The following PLPP1 variants were observed in gnomAD, a reference collection of about 807,000 sequenced individuals.
PLPP1 encodes the protein phospholipid phosphatase 1.
PLPP1 carries 24 observed loss-of-function variants against 31.2 expected under a neutral mutation model. The observed-to-expected ratio is 0.77, with a 90% CI of 0.56 to 1.08. The LOEUF (loss-of-function observed/expected upper bound fraction) is 1.08, where lower values mean the gene tolerates loss of function less well. Among genes scored for constraint, PLPP1 ranks in the 50% least tolerant of loss-of-function variants. The probability of loss-of-function intolerance (pLI) is 0.00; values close to 1 mark genes in which losing one functional copy is unlikely to be tolerated. For missense variants in PLPP1, 319 were observed against 342.7 expected, an observed-to-expected ratio of 0.93 and a Z score of 0.55; for synonymous variants, 146 against 126.3, an observed-to-expected ratio of 1.16 and a Z score of -1.05.
intron 2 of PLPP1, among the ~76,000 whole-genome samples, chr5:55,472,079 A>G (rs549131513): frequency 3.3e-5 from 5 of 152,218 alleles, no homozygotes; most frequent in Non-Finnish European, 7.3e-5. Context: ...CTCTGATCAC[A>G]CCACTGCACT....
rs780529419 is a variant in PLPP1 at position 55,468,089 on chromosome 5, T to C, written c.271A>G (p.Arg91Gly). The C allele has an allele frequency of 1.2e-6, 2 of 1,613,256 alleles. No individual in the cohort carries two copies. The highest frequency in any genetic ancestry group is 1.7e-6 in the Non-Finnish European group (2 of 1,179,518). The change falls in exon 3 of 6, where the codon AGG becomes GGG. Residue 91 changes from arginine (R) to glycine (G), a missense_variant. Arg to Gly is a moderately radical substitution (Grantham distance 125, BLOSUM62 -2). Coordinates refer to ENST00000307259, the MANE Select transcript of PLPP1 (RefSeq NM_003711.4). ...TAAATAGTGGCTATGTAGTTATTCC[T>C]GATAAAGGAATTTGAGTGCAAAAGG... ...CNLLHSNSFIRNNYIATIYKA... is the reference protein window; with the variant it reads ...CNLLHSNSFIGNNYIATIYKA...
intron 1 of PLPP1, among the ~76,000 whole-genome samples, chr5:55,490,399 C>A (rs1378551325): frequency 6.6e-6 from 1 of 152,122 alleles, no homozygotes. Context: ...ATCAGCCCAT[C>A]TCGGCCTCCC....
intron 5 of PLPP1, 141 bp from the exon 6 acceptor site, chr5:55,425,475 G>GACTA (rs941371281): frequency 6.9e-6 from 5 of 721,866 alleles, no homozygotes; most frequent in African/African-American, 5.6e-5. Flanking sequence ...AAAAATTAGA[G>GACTA]ACTAACTGGG....
rs536255508 is a variant in PLPP1 at position 55,532,783 on chromosome 5, C to T, written c.58+1789G>A. Reference sequence around the variant, plus strand: ...GCCAGCCTGGCCAAGACGGTGAAACCCCGTCTCTACTAAAAATACGAAAGT... The same window carrying T: ...GCCAGCCTGGCCAAGACGGTGAAACTCCGTCTCTACTAAAAATACGAAAGT... On this transcript the variant is annotated intron_variant, in intron 1 of 5. Coordinates refer to ENST00000307259, the MANE Select transcript of PLPP1 (RefSeq NM_003711.4). 1.6e-4 allele frequency among the ~76,000 whole-genome samples: 24 copies of T among 151,978 alleles called. No homozygotes were observed. In the South Asian group the frequency reaches 4.8e-3, roughly 30 times the overall value.
intron 1 of PLPP1, among the ~76,000 whole-genome samples, chr5:55,504,022 C>G (rs889253502): frequency 4.0e-5 from 6 of 151,880 alleles, no homozygotes; most frequent in Non-Finnish European, 1.5e-5. Flanking sequence ...CACCTGTCAT[C>G]TCAGCACTTT....
chr5:55,493,731 C>T (rs968063160), intron 1 of PLPP1, among the ~76,000 whole-genome samples: 3 of 151,918 alleles, frequency 2.0e-5, no homozygotes, highest in Admixed American at 1.3e-4. Flanking sequence ...ACTAAAAATA[C>T]AAAAAATTAG....
In PLPP1 at chr5:55,443,177, T is replaced by TAAAAAAAAAAAAAAA. The variant is rs1178247543; in HGVS notation, c.492-1284_492-1270dup. On this transcript the variant is annotated intron_variant, in intron 3 of 5. Transcript: ENST00000307259. ...AGTGGGTGGGAAAGAAAGGATTACT[T>TAAAAAAAAAAAAAAA]AAAAAAAAAAAAAAAATATATATAT... 7.8e-5 allele frequency among the ~76,000 whole-genome samples: 4 copies of TAAAAAAAAAAAAAAA among 51,020 alleles called. 1 individual carries two copies. The highest frequency in any genetic ancestry group is 1.6e-4 in the African/African-American group (2 of 12,848). 33.5% of individuals were successfully genotyped at this position (51,020 alleles called of 152,430 possible).
At chr5:55,457,408 A>G (rs1412950512) in intron 3 of PLPP1, among the ~76,000 whole-genome samples, 1 of 152,210 alleles carries the variant, frequency 6.6e-6, no homozygotes, top group Non-Finnish European at 1.5e-5. Context: ...TACACCAGGA[A>G]GAGACAGTGA....
chr5:55,517,956 C>A (rs1753586875), intron 1 of PLPP1, among the ~76,000 whole-genome samples: 1 of 152,220 alleles, frequency 6.6e-6, no homozygotes, highest in African/African-American at 2.4e-5. Flanking sequence ...AAGTCATTCT[C>A]CTGCCTCAGC....
chr5:55,533,421 TACA>T (rs1289650923), intron 1 of PLPP1, among the ~76,000 whole-genome samples: 1 of 151,818 alleles, frequency 6.6e-6, no homozygotes, highest in Non-Finnish European at 1.5e-5. Context: ...AATTTTTCCT[TACA>T]ACAACAACAA....
At chr5:55,518,085 G>C (rs994992167) in intron 1 of PLPP1, among the ~76,000 whole-genome samples, 1 of 151,726 alleles carries the variant, frequency 6.6e-6, no homozygotes, top group Non-Finnish European at 1.5e-5. Flanking sequence ...CGCCTGCCTC[G>C]GCCTCCCAGA....
chr5:55,486,636 C>T (rs754242392), intron 1 of PLPP1, among the ~76,000 whole-genome samples: 3 of 151,562 alleles, frequency 2.0e-5, no homozygotes, highest in Admixed American at 1.3e-4. Flanking sequence ...AAGCCTTGGT[C>T]GGGCGCCGTG....
At chr5:55,443,192 A>AAAAATATATATATATATATATAT in intron 3 of PLPP1, among the ~76,000 whole-genome samples, 2 of 25,440 alleles carry the variant, frequency 7.9e-5, no homozygotes, top group African/African-American at 1.1e-4. Flanking sequence ...AAAAAAAAAA[A>AAAAATATATATATATATATATAT]ATATATATAT....
At chr5:55,532,086 G>A (rs919945927) in intron 1 of PLPP1, among the ~76,000 whole-genome samples, 1 of 152,154 alleles carries the variant, frequency 6.6e-6, no homozygotes. Context: ...TTGTACTCCT[G>A]CAACTGTCAG....
At chr5:55,453,058 A>G (rs572106487) in intron 3 of PLPP1, among the ~76,000 whole-genome samples, 24 of 152,200 alleles carry the variant, frequency 1.6e-4, no homozygotes, top group Admixed American at 1.6e-3. Context: ...AGTAGAATCT[A>G]AACTATTGAG....
In PLPP1 at chr5:55,534,747, C is replaced by G. The variant is rs1740825584; in HGVS notation, c.-118G>C. 9.0e-7 allele frequency: 1 copy of G among 1,113,334 alleles called. No homozygotes were observed. The highest frequency in any genetic ancestry group is 1.6e-5 in the South Asian group (1 of 62,082). The allele number at this position is 1,113,334 out of a possible 1,614,324, so 69.0% of individuals were successfully genotyped here. On this transcript the variant is annotated 5_prime_UTR_variant, in exon 1 of 6. Transcript: ENST00000307259. The stretch of plus-strand genomic sequence containing the variant: ...GACGGCCCCGAGCTACGGCCCCTCC[C>G]AGCCGGAGGAGGAGAGCAGCCGAGG...
At chr5:55,465,455 T>C (rs1752268689) in intron 3 of PLPP1, among the ~76,000 whole-genome samples, 2 of 152,232 alleles carry the variant, frequency 1.3e-5, no homozygotes, top group South Asian at 4.1e-4. Context: ...TTTATTCTAT[T>C]AAATCGGGGC....
intron 1 of PLPP1, among the ~76,000 whole-genome samples, chr5:55,512,516 G>GA (rs375774329): frequency 5.0e-3 from 37 of 7,460 alleles, no homozygotes; most frequent in East Asian, 0.02. Flanking sequence ...GAAAAGAAAA[G>GA]AAAGAAAGAA....
intron 2 of PLPP1, among the ~76,000 whole-genome samples, chr5:55,474,744 C>T (rs1325293299): frequency 6.6e-6 from 1 of 152,110 alleles, no homozygotes; most frequent in Non-Finnish European, 1.5e-5. Flanking sequence ...TAGGTACATA[C>T]ATACAGATAC....
Sources: allele counts gnomAD v4.1 joint callset (sites outside exome capture counted in the v4.1 genomes callset), GRCh38; gene constraint gnomAD v4.1.1; transcripts MANE v1.5; gene names NCBI Gene and HGNC (gene_info 2026-07-23, HGNC 2026-07-21).